The following N4BP2 variants were observed in gnomAD, a reference collection of about 807,000 sequenced individuals.
N4BP2 encodes NEDD4 binding protein 2.
In N4BP2, 91 loss-of-function variants were observed where a neutral mutation model predicts 152.8. The ratio of observed to expected loss-of-function variants is 0.60; its 90% CI spans 0.50 to 0.71. The LOEUF is 0.71. Ranked by LOEUF, N4BP2 falls within the 30% of genes least tolerant of loss-of-function variation. N4BP2 has a pLI of 0.00. For missense variants in N4BP2, 1,923 were observed against 2,059.1 expected, an observed-to-expected ratio of 0.93 and a Z score of 1.28; for synonymous variants, 646 against 705.3, an observed-to-expected ratio of 0.92 and a Z score of 1.33.
intron 5 of N4BP2, 78 bp from the exon 6 acceptor site, chr4:40,112,006 G>T (rs1716929716): frequency 5.4e-6 from 4 of 743,948 alleles, no homozygotes; most frequent in Admixed American, 5.5e-5. Flanking sequence ...TTCAAATTAT[G>T]AAAAGATCAG....
intron 2 of N4BP2, among the ~76,000 whole-genome samples, chr4:40,076,861 T>C (rs1712794907): frequency 6.6e-6 from 1 of 152,184 alleles, no homozygotes; most frequent in Non-Finnish European, 1.5e-5. Flanking sequence ...CTTATCACAG[T>C]AGTATTTTGA....
rs1720337863 is a variant in N4BP2 at position 40,144,633 on chromosome 4, G to A, written c.4976G>A (p.Gly1659Asp). ...CTTGGTGATATGTTTATGATTTAGG[G>A]TACTCTTCATGAGCAGAAGATGAAA... is the stretch of plus-strand genomic sequence containing the variant. The part of the protein sequence containing the change: ...KNVATFYAQQ[G>D]TLHEQKMKEA... Residue 1659 changes from glycine to aspartate, a missense_variant and splice_region_variant, in exon 16 of 18, where the codon GGT (glycine) becomes GAT (aspartate). By Grantham distance (94) the Gly-to-Asp change is moderately conservative (BLOSUM62 -1). Coordinates refer to ENST00000261435, the MANE Select transcript of N4BP2 (RefSeq NM_018177.6). The A allele has an allele frequency of 6.2e-7, 1 of 1,607,560 alleles. No individual in the cohort carries two copies. The highest frequency in any genetic ancestry group is 2.2e-5 in the East Asian group (1 of 44,720).
Position 40,102,541 on chromosome 4 carries a change from ATT to A in N4BP2, c.697_698del (p.Leu233GlyfsTer5). On this transcript the variant is annotated frameshift_variant, in exon 4 of 18. Coordinates refer to ENST00000261435, the MANE Select transcript of N4BP2 (RefSeq NM_018177.6). LOFTEE classifies it high-confidence loss of function. Reference protein sequence around the residue: ...ESKCFIKDNTLALESNYPEDS... With the variant: ...ESKCFIKDNTXALESNYPEDS... ...CCAAGTGTTTTATAAAGGATAACAC[ATT>A]GGCTTTGGAAAGTAACTACCCGGAA... is the stretch of plus-strand genomic sequence containing the variant. 1.9e-6 allele frequency: 3 copies of A among 1,614,236 alleles called. No individual in the cohort carries two copies. Among genetic ancestry groups the A allele is most frequent in the Non-Finnish European group, 2.5e-6 (3 of 1,180,036 alleles).
the N4BP2 span, among the ~76,000 whole-genome samples, chr4:40,165,438 G>A: frequency 6.6e-6 from 1 of 152,074 alleles, no homozygotes; most frequent in Non-Finnish European, 1.5e-5. Context: ...TAGTAGAGAT[G>A]GGGTTTTGCC....
chr4:40,178,735 G>A, the N4BP2 span, among the ~76,000 whole-genome samples: 2 of 152,200 alleles, frequency 1.3e-5, no homozygotes, highest in African/African-American at 2.4e-5. Flanking sequence ...TGAGACATGC[G>A]AAATGTGTAG....
At chr4:40,140,668 T>A (rs1316120663) in intron 14 of N4BP2, among the ~76,000 whole-genome samples, 2 of 151,584 alleles carry the variant, frequency 1.3e-5, no homozygotes, top group African/African-American at 4.9e-5. Flanking sequence ...AGGACAATAG[T>A]GGAGGGAAGG....
intron 16 of N4BP2, among the ~76,000 whole-genome samples, chr4:40,151,326 GTTGGTTGTGACC>G (rs1721135143): frequency 6.6e-6 from 1 of 151,848 alleles, no homozygotes; most frequent in Non-Finnish European, 1.5e-5. Flanking sequence ...CAGGCTGGCA[GTTGGTTGTGACC>G]TTGGTTCACT....
chr4:40,113,716 A>G (rs1717108475), intron 7 of N4BP2, among the ~76,000 whole-genome samples: 1 of 152,154 alleles, frequency 6.6e-6, no homozygotes, highest in Non-Finnish European at 1.5e-5. Flanking sequence ...CTTGTATTAT[A>G]TACTCAGTAT....
chr4:40,059,047 C>G (rs936217021), intron 1 of N4BP2, among the ~76,000 whole-genome samples: 2 of 152,132 alleles, frequency 1.3e-5, no homozygotes, highest in African/African-American at 4.8e-5. Context: ...TCTCAAACCC[C>G]TGAGCTCAAG....
At chr4:40,097,592 C>A in intron 3 of N4BP2, 23 bp downstream of exon 3, 1 of 1,395,924 alleles carries the variant, frequency 7.2e-7, no homozygotes, top group Non-Finnish European at 1.0e-6. Flanking sequence ...TTAGTTTGAA[C>A]CCTGTCCATC....
At chr4:40,124,641 C>G (rs527725604) in intron 11 of N4BP2, among the ~76,000 whole-genome samples, 34 of 152,164 alleles carry the variant, frequency 2.2e-4, no homozygotes, top group African/African-American at 7.9e-4. Flanking sequence ...GCCACTGCGC[C>G]CAGCCAGTTC....
chr4:40,142,822 G>A lies in N4BP2; in HGVS notation c.4935G>A (p.Arg1645=). Residue 1645 remains arginine, a synonymous_variant, in exon 15 of 18, where the codon CGG becomes CGA. Transcript: ENST00000261435. ...ACAGCAAGGCCAAAGAAGCTTATCG[G>A]ATAGGGAAAAAAAATGTCGCCACCT... ...ECYSKAKEAY[R]IGKKNVATFY... is the part of the protein sequence containing the mutation. The A allele has an allele frequency of 1.9e-6, 3 of 1,613,736 alleles. No homozygotes were observed. Among genetic ancestry groups the A allele is most frequent in the Non-Finnish European group, 2.5e-6 (3 of 1,179,922 alleles).
chr4:40,161,785 T>C (rs942336625), downstream of N4BP2, among the ~76,000 whole-genome samples: 2 of 152,220 alleles, frequency 1.3e-5, no homozygotes, highest in African/African-American at 4.8e-5. Flanking sequence ...TTCAAAGCTC[T>C]ATAAAAAAGG....
intron 12 of N4BP2, among the ~76,000 whole-genome samples, chr4:40,131,297 A>T (rs1249161363): frequency 6.6e-6 from 1 of 152,218 alleles, no homozygotes; most frequent in Non-Finnish European, 1.5e-5. Flanking sequence ...TTGGCCACTA[A>T]GAGTCTCAGA....
intron 1 of N4BP2, among the ~76,000 whole-genome samples, chr4:40,057,891 A>G (rs1163447815): frequency 6.6e-6 from 1 of 152,042 alleles, no homozygotes; most frequent in Non-Finnish European, 1.5e-5. Flanking sequence ...AGGATCTGAT[A>G]TTTGTGGCAC....
At chr4:40,094,339 A>G (rs1714910769) in intron 2 of N4BP2, among the ~76,000 whole-genome samples, 1 of 152,030 alleles carries the variant, frequency 6.6e-6, no homozygotes, top group South Asian at 2.1e-4. Context: ...AGTGTTCTGT[A>G]AGTGTTGATT....
At chr4:40,184,412 C>A in the N4BP2 span, among the ~76,000 whole-genome samples, 1 of 150,628 alleles carries the variant, frequency 6.6e-6, no homozygotes, top group Non-Finnish European at 1.5e-5. Context: ...GAAGTGAAAC[C>A]AAATACATTA....
chr4:40,165,548 T>C, the N4BP2 span, among the ~76,000 whole-genome samples: 1 of 152,062 alleles, frequency 6.6e-6, no homozygotes, highest in African/African-American at 2.4e-5. Context: ...TGTCTCTACT[T>C]TTAAGAGAAA....
intron 11 of N4BP2, among the ~76,000 whole-genome samples, 158 bp from the exon 12 acceptor site, chr4:40,125,976 G>A (rs945191792): frequency 4.6e-5 from 7 of 151,700 alleles, no homozygotes; most frequent in South Asian, 2.1e-4. Flanking sequence ...TTGCGATGAC[G>A]TGAAGATGTA....
Sources: allele counts gnomAD v4.1 joint callset (sites outside exome capture counted in the v4.1 genomes callset), GRCh38; gene constraint gnomAD v4.1.1; transcripts MANE v1.5; gene names NCBI Gene and HGNC (gene_info 2026-07-23, HGNC 2026-07-21).